KIF24: variants seen among roughly 807,000 people sequenced by gnomAD.
The protein encoded by KIF24 is kinesin-like protein KIF24.
A neutral mutation model predicts 118.9 loss-of-function variants in KIF24; 81 were observed. The observed-to-expected ratio is 0.68, with a 90% CI of 0.57 to 0.82. The LOEUF (loss-of-function observed/expected upper bound fraction) is 0.82, where lower values mean the gene tolerates loss of function less well. KIF24 is among the 40% of genes least tolerant of loss of function. KIF24 has a pLI of 0.00. For missense variants in KIF24, 1,560 were observed against 1,661.6 expected (o/e 0.94, Z 1.06); for synonymous variants, 599 against 610.0 (o/e 0.98, Z 0.27).
chr9:34,299,477 C>T (rs1264159768), intron 3 of KIF24, among the ~76,000 whole-genome samples: 3 of 151,702 alleles, frequency 2.0e-5, no homozygotes, highest in African/African-American at 7.3e-5. Context: ...CCCATGCTGG[C>T]TGATATATAT....
chr9:34,257,154 G>A lies in KIF24; in HGVS notation c.2453C>T (p.Ala818Val). 1.9e-6 allele frequency: 3 copies of A among 1,614,026 alleles called. No homozygotes were observed. The highest frequency in any genetic ancestry group is 2.5e-6 in the Non-Finnish European group (3 of 1,179,890). Residue 818 changes from alanine to valine, a missense_variant, in exon 11 of 13, where the codon GCC becomes GTC. This residue lies in a region of KIF24 where 964 missense variants were observed against 988.0 expected (regional missense o/e 0.98). Coordinates refer to ENST00000402558, the MANE Select transcript of KIF24 (RefSeq NM_194313.4). ...FHSYSENHDG[A>V]QVEELDDSDF... is the part of the protein sequence containing the mutation. ...ACTGTCATCAAGTTCCTCTACTTGG[G>A]CTCCATCATGGTTTTCAGAGTAAGA... is the stretch of plus-strand genomic sequence containing the variant.
chr9:34,294,382 C>A (rs571386855), intron 4 of KIF24, among the ~76,000 whole-genome samples: 2 of 151,962 alleles, frequency 1.3e-5, no homozygotes, highest in Non-Finnish European at 2.9e-5. Context: ...ATGGAGAAAC[C>A]CCATCTCTAC....
intron 1 of KIF24, among the ~76,000 whole-genome samples, chr9:34,314,281 A>G (rs958440219): frequency 1.3e-5 from 2 of 152,138 alleles, no homozygotes; most frequent in African/African-American, 4.8e-5. Context: ...CCCATGCCTC[A>G]GCCTCCCAAA....
At chr9:34,284,307 A>C (rs1160869863) in intron 6 of KIF24, among the ~76,000 whole-genome samples, 1 of 152,102 alleles carries the variant, frequency 6.6e-6, no homozygotes, top group African/African-American at 2.4e-5. Flanking sequence ...AAGAAAAAGC[A>C]TATCATCTGA....
intron 3 of KIF24, among the ~76,000 whole-genome samples, chr9:34,304,453 AGAT>A (rs1372347747): frequency 6.6e-6 from 1 of 152,216 alleles, no homozygotes; most frequent in Non-Finnish European, 1.5e-5. Context: ...ACGAAAGATA[AGAT>A]GATGCCTCCT....
rs571924216 is a variant in KIF24 at position 34,269,580 on chromosome 9, C to T, written c.1338-218G>A. Reference sequence around the variant, plus strand: ...GACTACAGGCGCCCGCCACCACGCCCGGCTAATTTTTGGTATTTTTAGTAG... The same window carrying T: ...GACTACAGGCGCCCGCCACCACGCCTGGCTAATTTTTGGTATTTTTAGTAG... On this transcript the variant is annotated intron_variant, in intron 7 of 12. Coordinates refer to ENST00000402558, the MANE Select transcript of KIF24 (RefSeq NM_194313.4). 5.9e-5 allele frequency among the ~76,000 whole-genome samples: 9 copies of T among 152,004 alleles called. No individual in the cohort carries two copies. In the South Asian group the frequency reaches 6.3e-4, roughly 11 times the overall value.
intron 4 of KIF24, among the ~76,000 whole-genome samples, chr9:34,296,333 T>C (rs1836476254): frequency 6.7e-6 from 1 of 149,012 alleles, no homozygotes; most frequent in Admixed American, 6.7e-5. Context: ...GAGACCATCC[T>C]GGCTAACACG....
chr9:34,285,393 C>T (rs556947687), intron 6 of KIF24, among the ~76,000 whole-genome samples: 1 of 152,002 alleles, frequency 6.6e-6, no homozygotes, highest in South Asian at 2.1e-4. Flanking sequence ...TTTAAGAGGC[C>T]AAGGTGAGAG....
rs1836918752 is a variant in KIF24, at chr9:34,306,372, G to T, written c.693C>A (p.Arg231=). 2 of 1,612,568 alleles carry T rather than the reference G, an allele frequency of 1.2e-6. No individual in the cohort carries two copies. The highest frequency in any genetic ancestry group is 8.5e-7 in the Non-Finnish European group (1 of 1,179,006). ...GACGTACCTCCCTCATGCCCAGGGG[G>T]CGTTTTCGAACACAAACTCTGATTT... ...MEKIRVCVRK[R]PLGMREVRRG... The change falls in exon 3 of 13, where the codon CGC becomes CGA. Residue 231 remains arginine (R), a synonymous_variant. Coordinates refer to ENST00000402558, the MANE Select transcript of KIF24 (RefSeq NM_194313.4).
chr9:34,271,977 G>A (rs772550888), intron 6 of KIF24, 47 bp from the exon 7 acceptor site: 2 of 1,532,650 alleles, frequency 1.3e-6, no homozygotes, highest in South Asian at 1.2e-5. Flanking sequence ...GTAAACAAAA[G>A]CCTCTGGCTA....
intron 8 of KIF24, among the ~76,000 whole-genome samples, chr9:34,264,413 G>C (rs1328610123): frequency 2.0e-5 from 3 of 151,126 alleles, no homozygotes; most frequent in African/African-American, 7.3e-5. Flanking sequence ...CTGGGTGACA[G>C]AGCGAGACTC....
At chr9:34,275,868 C>A (rs1835641504) in intron 6 of KIF24, among the ~76,000 whole-genome samples, 2 of 152,076 alleles carry the variant, frequency 1.3e-5, no homozygotes, top group Non-Finnish European at 2.9e-5. Flanking sequence ...AGAATCCTCA[C>A]CACAGCCTAA....
At chr9:34,299,205 G>A (rs764474365) in intron 3 of KIF24, among the ~76,000 whole-genome samples, 2 of 151,638 alleles carry the variant, frequency 1.3e-5, no homozygotes, top group Non-Finnish European at 2.9e-5. Context: ...TTCTGAGATG[G>A]AGTCTCACTC....
At chr9:34,326,094 T>C (rs1158354111) in intron 1 of KIF24, among the ~76,000 whole-genome samples, 4 of 152,222 alleles carry the variant, frequency 2.6e-5, no homozygotes, top group Non-Finnish European at 5.9e-5. Flanking sequence ...CAGTGGCTCA[T>C]GCCTGTTATC....
chr9:34,255,864 C>CT lies in KIF24; in HGVS notation c.3742dup (p.Ser1248LysfsTer2), dbSNP rs1361470619. Reference sequence around the variant, plus strand: ...GGGTTTGAGCCATGTGACATTTTCACTGTTGCAGGGCAACTTGATGGGGTC... The same window carrying CT: ...GGGTTTGAGCCATGTGACATTTTCACTTGTTGCAGGGCAACTTGATGGGGTC... On this transcript the variant is annotated frameshift_variant, in exon 11 of 13. Transcript: ENST00000402558. LOFTEE classifies it high-confidence loss of function. 3 of 1,613,906 alleles carry CT rather than the reference C, an allele frequency of 1.9e-6. No homozygotes were observed. Among genetic ancestry groups the CT allele is most frequent in the Non-Finnish European group, 2.5e-6 (3 of 1,179,888 alleles).
intron 6 of KIF24, among the ~76,000 whole-genome samples, chr9:34,285,552 A>AC (rs1836009322): frequency 6.6e-6 from 1 of 152,022 alleles, no homozygotes; most frequent in African/African-American, 2.4e-5. Flanking sequence ...AGGTGGGCGG[A>AC]TCATGAGGTC....
At position 34,271,894 on chromosome 9, in the gene KIF24, C is replaced by G. The variant is rs1462965863; in HGVS notation, c.1252G>C (p.Ala418Pro). Reference sequence around the variant, plus strand: ...GAGGAGTCTGCATTAACTCCAGTGGCCCCAGTGCTGCGCTCCTTGCTGCCC... The same window carrying G: ...GAGGAGTCTGCATTAACTCCAGTGGGCCCAGTGCTGCGCTCCTTGCTGCCC... ...LKGSKERSTG[A>P]TGVNADSSRS... The change falls in exon 7 of 13, where the codon GCC becomes CCC. Residue 418 changes from alanine to proline, a missense_variant. Coordinates refer to ENST00000402558, the MANE Select transcript of KIF24 (RefSeq NM_194313.4). The G allele has an allele frequency of 6.2e-7, 1 of 1,606,710 alleles. No individual in the cohort carries two copies. The highest frequency in any genetic ancestry group is 8.5e-7 in the Non-Finnish European group (1 of 1,176,292).
chr9:34,278,406 T>TA (rs1163097383), intron 6 of KIF24, among the ~76,000 whole-genome samples: 6 of 152,118 alleles, frequency 3.9e-5, no homozygotes, highest in Admixed American at 1.3e-4. Flanking sequence ...CAAAATTCCA[T>TA]CTCAAAAACA....
At chr9:34,319,565 C>A (rs764089637) in intron 1 of KIF24, 20 of 1,100,648 alleles carry the variant, frequency 1.8e-5, no homozygotes, top group Non-Finnish European at 2.8e-5. Flanking sequence ...ACCCCTTCAT[C>A]TTCCTGGTGT....
Sources: allele counts gnomAD v4.1 joint callset (sites outside exome capture counted in the v4.1 genomes callset), GRCh38; gene constraint gnomAD v4.1.1; regional missense constraint gnomAD v4.1.1; transcripts MANE v1.5; gene names NCBI Gene and HGNC (gene_info 2026-07-23, HGNC 2026-07-21).